Variants in MTCH2 observed in about 807,000 individuals in gnomAD.
MTCH2 encodes the protein mitochondrial carrier homolog 2.
Under a neutral mutation model 50.6 loss-of-function variants are expected in MTCH2, and 25 were observed. The observed-to-expected ratio is 0.49, with a 90% CI of 0.36 to 0.69. The LOEUF is 0.69. MTCH2 is among the 30% of genes least tolerant of loss of function. The pLI, the probability that MTCH2 is intolerant of heterozygous loss-of-function variation, is 0.00. For synonymous variants in MTCH2, 106 were observed against 132.0 expected, an observed-to-expected ratio of 0.80 and a Z score of 1.35; for missense variants, 273 against 384.4, an observed-to-expected ratio of 0.71 and a Z score of 2.42.
chr11:47,631,378 C>A (rs141312611), intron 6 of MTCH2, among the ~76,000 whole-genome samples: 1 of 151,952 alleles, frequency 6.6e-6, no homozygotes, highest in Non-Finnish European at 1.5e-5. Context: ...CATTGCACTC[C>A]AGCCTGGGCA....
intron 12 of MTCH2, among the ~76,000 whole-genome samples, chr11:47,620,911 C>A (rs556110085): frequency 6.6e-6 from 1 of 152,210 alleles, no homozygotes; most frequent in African/African-American, 2.4e-5. Context: ...ATCTGGTATA[C>A]AGTAAATGCC....
chr11:47,616,484 C>T (rs758337069), downstream of MTCH2, among the ~76,000 whole-genome samples: 5 of 151,496 alleles, frequency 3.3e-5, no homozygotes, highest in African/African-American at 4.9e-5. Context: ...ACTACAGGTG[C>T]GTGCCACCAT....
At chr11:47,624,066 C>CA (rs2097295740) in intron 11 of MTCH2, among the ~76,000 whole-genome samples, 1 of 151,336 alleles carries the variant, frequency 6.6e-6, no homozygotes, top group Non-Finnish European at 1.5e-5. Context: ...ATAACAACAA[C>CA]AAAAAAATAC....
chr11:47,626,855 C>T (rs536381752), intron 10 of MTCH2, among the ~76,000 whole-genome samples: 2 of 151,980 alleles, frequency 1.3e-5, no homozygotes, highest in Non-Finnish European at 2.9e-5. Context: ...TCAGGTGATC[C>T]GCCCACCTCA....
At chr11:47,619,009 G>T (rs758453183) in intron 12 of MTCH2, 90 bp from the exon 13 acceptor site, 2 of 1,146,570 alleles carry the variant, frequency 1.7e-6, no homozygotes. Context: ...ATTGGGAGAC[G>T]TGACTAAATC....
At chr11:47,635,852 G>T (rs1320570957) in intron 3 of MTCH2, among the ~76,000 whole-genome samples, 4 of 152,076 alleles carry the variant, frequency 2.6e-5, no homozygotes, top group African/African-American at 4.8e-5. Context: ...AAGGGGACAG[G>T]TGTGGTTGCT....
downstream of MTCH2, among the ~76,000 whole-genome samples, chr11:47,613,217 C>CAAACA (rs543858305): frequency 6.6e-5 from 10 of 151,742 alleles, no homozygotes; most frequent in Admixed American, 2.6e-4. Flanking sequence ...GTCTCAAAAA[C>CAAACA]AAACAAAACA....
At chr11:47,627,216 T>C (rs2097299010) in intron 9 of MTCH2, 89 bp from the exon 10 acceptor site, 1 of 1,079,278 alleles carries the variant, frequency 9.3e-7, no homozygotes, top group Non-Finnish European at 1.3e-6. Flanking sequence ...CTTTTCTTTT[T>C]TTCTTTCAGA....
At chr11:47,629,805 A>G (rs534268991) in intron 8 of MTCH2, among the ~76,000 whole-genome samples, 1 of 152,012 alleles carries the variant, frequency 6.6e-6, no homozygotes, top group African/African-American at 2.4e-5. Flanking sequence ...ATTTTTCCTC[A>G]TAGAAGAATG....
Position 47,630,555 on chromosome 11 carries a change from G to A in MTCH2, c.539C>T (p.Ala180Val), listed in dbSNP as rs753708134. The A allele has an allele frequency of 5.0e-6, 8 of 1,609,692 alleles. No individual in the cohort carries two copies. The highest frequency in any genetic ancestry group is 3.3e-5 in the Admixed American group (2 of 59,960). ...YREEGILGFF[A>V]GLVPRLLGDI... Reference sequence around the variant, plus strand: ...TACACACTAATCAACATTTACTCACGCGAAAAATCCTAGAATGCCCTCTTC... The same window carrying A: ...TACACACTAATCAACATTTACTCACACGAAAAATCCTAGAATGCCCTCTTC... Residue 180 changes from alanine to valine, a missense_variant and splice_region_variant, in exon 8 of 13, where the codon GCG (alanine) becomes GTG (valine). Transcript: ENST00000302503.
At chr11:47,642,054 C>G (rs183509972) in intron 1 of MTCH2, among the ~76,000 whole-genome samples, 4 of 152,258 alleles carry the variant, frequency 2.6e-5, no homozygotes, top group Admixed American at 6.5e-5. Context: ...GGTTCGGAAG[C>G]CTTTGGTGGC....
At chr11:47,619,427 T>C (rs1353972342) in intron 12 of MTCH2, among the ~76,000 whole-genome samples, 2 of 151,298 alleles carry the variant, frequency 1.3e-5, no homozygotes, top group Non-Finnish European at 2.9e-5. Context: ...GGAGGTGGGG[T>C]TTCACCATAT....
At chr11:47,629,304 A>C in intron 8 of MTCH2, 1 of 403,342 alleles carries the variant, frequency 2.5e-6, no homozygotes, top group South Asian at 2.9e-5. Context: ...TCACCTTACT[A>C]TTCATAACTG....
Position 47,630,598 on chromosome 11 carries a change from T to C in MTCH2, c.496A>G (p.Ile166Val), listed in dbSNP as rs752211943. 6 of 1,612,630 alleles carry C rather than the reference T, an allele frequency of 3.7e-6. No homozygotes were observed. The African/African-American group carries it at 8.0e-5, about 22-fold the overall frequency. Residue 166 changes from isoleucine (I) to valine (V), a missense_variant, in exon 8 of 13, where the codon ATA (isoleucine) becomes GTA (valine). Ile to Val is a conservative substitution (Grantham distance 29). This residue lies in a region of MTCH2 where 203 missense variants were observed against 244.3 expected (regional missense o/e 0.83). Coordinates refer to ENST00000302503, the MANE Select transcript of MTCH2 (RefSeq NM_014342.4). ...ESKYCGLCDS[I>V]ITIYREEGIL... The stretch of plus-strand genomic sequence containing the variant: ...CCCTCTTCCCGATAGATGGTTATTA[T>C]GGAATCACAAAGTCCACTACGTACA...
the MTCH2 span, among the ~76,000 whole-genome samples, chr11:47,608,649 G>A: frequency 5.7e-4 from 87 of 152,190 alleles, no homozygotes; most frequent in African/African-American, 1.8e-3. Flanking sequence ...GGGGCGGAAG[G>A]ATTAAAGACG....
rs200746903 is a variant in MTCH2 at position 47,634,749 on chromosome 11, C to G, written c.307-15G>C. The G allele has an allele frequency of 2.4e-3, 3,114 of 1,280,790 alleles. 7 individuals carry two copies. Among genetic ancestry groups the G allele is most frequent in the Middle Eastern group, 0.011 (55 of 5,028 alleles). 79.3% of individuals were successfully genotyped at this position (1,280,790 alleles called of 1,614,324 possible). A position where few individuals can be genotyped will look rare whatever the true frequency, so the allele number is the denominator to read the frequency against. On this transcript the variant is annotated splice_polypyrimidine_tract_variant and intron_variant, in intron 4 of 12. Coordinates refer to ENST00000302503, the MANE Select transcript of MTCH2 (RefSeq NM_014342.4). ...GGTCCTAACTCCTGGAAATCAAAAT[C>G]AAAGAAAATAGAGATCTTGATTTTT...
chr11:47,620,180 G>C (rs935644615), intron 12 of MTCH2, among the ~76,000 whole-genome samples: 1 of 152,090 alleles, frequency 6.6e-6, no homozygotes, highest in Non-Finnish European at 1.5e-5. Flanking sequence ...AATGCTAAAT[G>C]ATGAGTTAAT....
intron 11 of MTCH2, among the ~76,000 whole-genome samples, chr11:47,623,318 G>A (rs2097294981): frequency 6.9e-6 from 1 of 144,764 alleles, no homozygotes; most frequent in Non-Finnish European, 1.5e-5. Flanking sequence ...GTTGCAGTGA[G>A]CCAAGATTGC....
At chr11:47,637,285 T>C (rs1026594887) in intron 3 of MTCH2, among the ~76,000 whole-genome samples, 1 of 152,168 alleles carries the variant, frequency 6.6e-6, no homozygotes, top group Non-Finnish European at 1.5e-5. Context: ...CCACTGCGCC[T>C]GGCCAAGAAC....
Sources: gnomAD v4.1 joint callset for allele counts (sites outside exome capture counted in the v4.1 genomes callset) on GRCh38, gnomAD v4.1.1 for gene constraint, gnomAD v4.1.1 regional missense constraint, MANE v1.5 for transcripts, NCBI Gene and HGNC (gene_info 2026-07-23, HGNC 2026-07-21) for gene names.